ZNF48: variants seen among roughly 807,000 people sequenced by gnomAD.
ZNF48 encodes the protein zinc finger protein 553.
ZNF48 carries 20 observed loss-of-function variants against 40.0 expected under a neutral mutation model. The ratio of observed to expected loss-of-function variants is 0.50; its 90% confidence interval spans 0.35 to 0.73. The LOEUF (loss-of-function observed/expected upper bound fraction) is 0.73, where lower values mean the gene tolerates loss of function less well. Among genes scored for constraint, ZNF48 ranks in the 30% least tolerant of loss-of-function variants. The pLI is 0.01. For synonymous variants in ZNF48, 298 were observed against 329.7 expected (o/e 0.90, Z 1.04); for missense variants, 726 against 851.9 (o/e 0.85, Z 1.84).
chr16:30,388,035 C>A (rs1393918519), intron 1 of ZNF48, among the ~76,000 whole-genome samples: 1 of 151,290 alleles, frequency 6.6e-6, no homozygotes, highest in Non-Finnish European at 1.5e-5. Flanking sequence ...GGCGCGATCT[C>A]GGCTCACCAC....
chr16:30,388,926 TAAAAAC>T (rs2049920853), intron 1 of ZNF48, among the ~76,000 whole-genome samples: 1 of 149,128 alleles, frequency 6.7e-6, no homozygotes, highest in African/African-American at 2.5e-5. Context: ...TAAATAAAAA[TAAAAAC>T]AAAAACAACA....
At chr16:30,396,967 C>T (rs1260504425) in intron 2 of ZNF48, among the ~76,000 whole-genome samples, 1 of 152,098 alleles carries the variant, frequency 6.6e-6, no homozygotes. Flanking sequence ...GCTAGGATTA[C>T]AGGTGTGAGC....
chr16:30,388,801 G>A (rs2049920103), intron 1 of ZNF48, among the ~76,000 whole-genome samples: 1 of 152,112 alleles, frequency 6.6e-6, no homozygotes, highest in South Asian at 2.1e-4. Flanking sequence ...GGCTGAGGCA[G>A]GAGAATTGCT....
At chr16:30,388,783 A>T (rs925574541) in intron 1 of ZNF48, among the ~76,000 whole-genome samples, 18 of 151,832 alleles carry the variant, frequency 1.2e-4, no homozygotes, top group African/African-American at 4.1e-4. Context: ...AATCTCAGCT[A>T]CTCAGGAGGC....
In ZNF48 at chr16:30,382,025, G is replaced by A. The variant is rs2049856248; in HGVS notation, c.-16+3615G>A. The A allele has an allele frequency of 2.5e-6, 4 of 1,596,430 alleles. No homozygotes were observed. In the African/African-American group the frequency reaches 4.0e-5, roughly 16 times the overall value. On this transcript the variant is annotated intron_variant, in intron 1 of 2. Coordinates refer to the ZNF48 transcript ENST00000528032. This position sits in a 1 kb window ranked among gnomAD's most constrained non-coding sequence, Gnocchi z 4.8. ...AAGCAGTCAACTACCTGAGTCCCCA[G>A]ATGGAAAAGACTAGGGTGTAACCTG...
upstream of ZNF48, among the ~76,000 whole-genome samples, chr16:30,394,351 T>C (rs2049963540): frequency 6.6e-6 from 1 of 152,112 alleles, no homozygotes; most frequent in African/African-American, 2.4e-5. Flanking sequence ...CCACCATCAT[T>C]GGCAGAGGGG....
At position 30,398,046 on chromosome 16, in the gene ZNF48, C is replaced by T. The variant is rs1408716541; in HGVS notation, c.796C>T (p.Gln266Ter). ...QPSRAATAAT[Q>*]GPKAQDKPYI... ...ATCTCGGGCAGCCACGGCAGCTACC[C>T]AGGGACCGAAGGCCCAGGACAAGCC... The change falls in exon 3 of 3, where the codon CAG becomes TAG. Residue 266 changes from glutamine to a stop codon, truncating the protein, a stop_gained. Transcript: ENST00000613509. LOFTEE classifies it high-confidence loss of function. This position sits in a 1 kb window ranked among gnomAD's most constrained non-coding sequence, Gnocchi z 6.6. 1 of 1,612,124 alleles carries T rather than the reference C, an allele frequency of 6.2e-7. No homozygotes were observed. Among genetic ancestry groups the T allele is most frequent in the Non-Finnish European group, 8.5e-7 (1 of 1,179,000 alleles).
intron 1 of ZNF48, chr16:30,380,119 C>T (rs1184423542): frequency 2.7e-6 from 3 of 1,131,958 alleles, no homozygotes; most frequent in East Asian, 2.7e-5. Context: ...CACAGAGATA[C>T]TGGGTGGTCA....
chr16:30,379,080 G>A (rs373865490), intron 1 of ZNF48: 1 of 1,614,076 alleles, frequency 6.2e-7, no homozygotes, highest in Non-Finnish European at 8.5e-7. Flanking sequence ...GGGCCCGGTA[G>A]CCCTCGTAGA....
In ZNF48 at chr16:30,382,042, T is replaced by TG. The variant is rs766199142; in HGVS notation, c.-16+3633dup. 1.6e-5 allele frequency: 25 copies of TG among 1,589,982 alleles called. No homozygotes were observed. Among genetic ancestry groups the TG allele is most frequent in the Non-Finnish European group, 2.1e-5 (24 of 1,165,896 alleles). The stretch of plus-strand genomic sequence containing the variant: ...AGTCCCCAGATGGAAAAGACTAGGG[T>TG]GTAACCTGGGGACAGGGGCTACTGC... On this transcript the variant is annotated intron_variant, in intron 1 of 2. Coordinates refer to the ZNF48 transcript ENST00000528032. This position sits in a 1 kb window ranked among gnomAD's most constrained non-coding sequence, Gnocchi z 4.8.
In ZNF48 at chr16:30,382,955, C is replaced by T. The variant is rs2151112412; in HGVS notation, c.-16+4545C>T. ...TTGGGAGGCGGAGGAGGGAGGACAG[C>T]TTGAGCCAAGGAGTTCCAGACCAGC... On this transcript the variant is annotated intron_variant, in intron 1 of 2. Coordinates refer to the ZNF48 transcript ENST00000528032. The surrounding 1 kb of genome is among the most constrained non-coding windows in gnomAD (Gnocchi z 4.8). 1.5e-6 allele frequency: 1 copy of T among 667,726 alleles called. No individual in the cohort carries two copies. The highest frequency in any genetic ancestry group is 2.7e-6 in the Non-Finnish European group (1 of 373,052). 41.4% of individuals were successfully genotyped at this position (667,726 alleles called of 1,614,324 possible).
chr16:30,383,257 C>T (rs377415169), intron 1 of ZNF48, among the ~76,000 whole-genome samples: 222 of 152,278 alleles, frequency 1.5e-3, no homozygotes, highest in Middle Eastern at 0.01. Flanking sequence ...GGCGCCATCT[C>T]GGCTCACTGC....
At chr16:30,383,079 G>A (rs2049871938) in intron 1 of ZNF48, 1 of 466,086 alleles carries the variant, frequency 2.1e-6, no homozygotes, top group Admixed American at 3.4e-5. Context: ...CTACTGGGGA[G>A]GCTGAGGTGG....
chr16:30,383,380 G>A (rs1350999628), intron 1 of ZNF48, among the ~76,000 whole-genome samples: 2 of 152,098 alleles, frequency 1.3e-5, no homozygotes, highest in Non-Finnish European at 2.9e-5. Flanking sequence ...TAGTAGAGAC[G>A]AGATTTCACC....
upstream of ZNF48, among the ~76,000 whole-genome samples, chr16:30,392,806 TA>T (rs965930107): frequency 1.3e-5 from 2 of 152,212 alleles, no homozygotes; most frequent in South Asian, 4.1e-4. Flanking sequence ...TACACTCCTA[TA>T]AAATTTTGTC....
At chr16:30,379,170 A>T in intron 1 of ZNF48, 2 of 1,614,074 alleles carry the variant, frequency 1.2e-6, no homozygotes, top group Non-Finnish European at 1.7e-6. Context: ...AATCGCAGTG[A>T]TGTGGGTTCT....
Position 30,398,887 on chromosome 16 carries a change from G to T in ZNF48, c.1637G>T (p.Gly546Val). ...GGACCCAGCCAGCCCCACGTGTGTGGCTTCTGTGGGAAGGAGTTCCCCCGG... is the reference window on the plus strand; with the variant it reads ...GGACCCAGCCAGCCCCACGTGTGTGTCTTCTGTGGGAAGGAGTTCCCCCGG... ...PSGPSQPHVCGFCGKEFPRSS... is the reference protein window; with the variant it reads ...PSGPSQPHVCVFCGKEFPRSS... Residue 546 changes from glycine (G) to valine (V), a missense_variant, in exon 3 of 3, where the codon GGC becomes GTC. Coordinates refer to ENST00000613509, the MANE Select transcript of ZNF48 (RefSeq NM_001214909.2). This position sits in a 1 kb window ranked among gnomAD's most constrained non-coding sequence, Gnocchi z 6.6. 1 of 1,613,920 alleles carries T rather than the reference G, an allele frequency of 6.2e-7. No homozygotes were observed. The highest frequency in any genetic ancestry group is 8.5e-7 in the Non-Finnish European group (1 of 1,179,940).
intron 1 of ZNF48, chr16:30,379,008 C>T (rs1288500922): frequency 6.2e-7 from 1 of 1,611,442 alleles, no homozygotes; most frequent in Non-Finnish European, 8.5e-7. Context: ...CTGTCCGCCC[C>T]GGGTCTCACC....
At position 30,382,647 on chromosome 16, in the gene ZNF48, C is replaced by T. The variant is rs1395905390; in HGVS notation, c.-16+4237C>T. The T allele has an allele frequency of 1.3e-6, 2 of 1,540,032 alleles. No homozygotes were observed. Among genetic ancestry groups the T allele is most frequent in the South Asian group, 2.4e-5 (2 of 84,014 alleles). The stretch of plus-strand genomic sequence containing the variant: ...GGCAGCTGAGATGCTCAAACTGGCC[C>T]AGTCCCAGAGAGGTGGGGAAGGCCA... On this transcript the variant is annotated intron_variant, in intron 1 of 2. Transcript: ENST00000528032. The surrounding 1 kb of genome is among the most constrained non-coding windows in gnomAD (Gnocchi z 4.8).
Sources: allele counts gnomAD v4.1 joint callset (sites outside exome capture counted in the v4.1 genomes callset), GRCh38; gene constraint gnomAD v4.1.1; non-coding constraint Gnocchi (gnomAD v3.1); transcripts MANE v1.5; gene names NCBI Gene and HGNC (gene_info 2026-07-23, HGNC 2026-07-21).